CDK5RAP1: variants seen among roughly 807,000 people sequenced by gnomAD.
CDK5RAP1 encodes the protein mitochondrial tRNA methylthiotransferase CDK5RAP1.
CDK5RAP1 carries 62 observed loss-of-function variants against 64.5 expected under a neutral mutation model. The ratio of observed to expected loss-of-function variants is 0.96; its 90% CI spans 0.78 to 1.19. CDK5RAP1 has a LOEUF of 1.19. Ranked by LOEUF, CDK5RAP1 falls within the 50% of genes most tolerant of loss-of-function variation. The pLI, the probability that CDK5RAP1 is intolerant of heterozygous loss-of-function variation, is 0.00. For synonymous variants in CDK5RAP1, 250 were observed against 261.9 expected (o/e 0.95, Z 0.44); for missense variants, 657 against 735.0 (o/e 0.89, Z 1.23).
At chr20:33,388,562 C>T (rs1322676974) in intron 5 of CDK5RAP1, among the ~76,000 whole-genome samples, 2 of 113,938 alleles carry the variant, frequency 1.8e-5, no homozygotes, top group African/African-American at 6.7e-5. Flanking sequence ...CTCCCTCTCC[C>T]TCTCCCTCTC....
intron 7 of CDK5RAP1, among the ~76,000 whole-genome samples, chr20:33,382,682 T>C (rs1351677846): frequency 1.3e-5 from 2 of 150,374 alleles, no homozygotes; most frequent in African/African-American, 2.5e-5. Context: ...ATTCCGTCTC[T>C]AAATAAATAA....
intron 3 of CDK5RAP1, 46 bp downstream of exon 3, chr20:33,394,967 A>T: frequency 8.4e-7 from 1 of 1,197,486 alleles, no homozygotes. Context: ...CAAATGCAGA[A>T]TCTTGCCCAG....
At chr20:33,389,756 G>A (rs924643870) in intron 5 of CDK5RAP1, among the ~76,000 whole-genome samples, 16 of 152,186 alleles carry the variant, frequency 1.1e-4, no homozygotes, top group South Asian at 2.1e-4. Flanking sequence ...CGGTTTTGTT[G>A]AATAGAAAAG....
Position 33,390,063 on chromosome 20 carries a change from GC to G in CDK5RAP1, c.544+2078del, listed in dbSNP as rs1988125891. ...AGGCCAAGGAGGGTGGATCACTTGA[GC>G]CCAGGAGTTCAGGATCAGCCCTGGC... On this transcript the variant is annotated intron_variant, in intron 5 of 13. Transcript: ENST00000346416. Among the ~76,000 whole-genome samples, 4 of 151,700 alleles carry G rather than the reference GC, an allele frequency of 2.6e-5. No individual in the cohort carries two copies. The South Asian group carries it at 8.3e-4, about 32-fold the overall frequency.
At position 33,379,698 on chromosome 20, in the gene CDK5RAP1, A is replaced by G. The variant is rs1426422804; in HGVS notation, c.877-7T>C. On this transcript the variant is annotated splice_region_variant and splice_polypyrimidine_tract_variant and intron_variant, in intron 7 of 13. Coordinates refer to ENST00000346416, the MANE Select transcript of CDK5RAP1 (RefSeq NM_016408.4). ...GTGTCACTTCTTTCAGCCCCTAAAC[A>G]TGGGAAAATATATTGGAATTTTAAA... 2 of 1,585,854 alleles carry G rather than the reference A, an allele frequency of 1.3e-6. No homozygotes were observed. Among genetic ancestry groups the G allele is most frequent in the Non-Finnish European group, 1.7e-6 (2 of 1,158,178 alleles).
At position 33,391,515 on chromosome 20, in the gene CDK5RAP1, C is replaced by T. The variant is rs554796155; in HGVS notation, c.544+627G>A. Among the ~76,000 whole-genome samples, 3 of 152,108 alleles carry T rather than the reference C, an allele frequency of 2.0e-5. No individual in the cohort carries two copies. In the South Asian group the frequency reaches 6.2e-4, roughly 32 times the overall value. On this transcript the variant is annotated intron_variant, in intron 5 of 13. Coordinates refer to ENST00000346416, the MANE Select transcript of CDK5RAP1 (RefSeq NM_016408.4). ...GCTTCAGGAGTCAGAATGAAAGGTA[C>T]CCACATTAGAAATTTGTGCTGTCAG...
At chr20:33,394,512 C>T (rs1231445764) in intron 3 of CDK5RAP1, among the ~76,000 whole-genome samples, 1 of 149,170 alleles carries the variant, frequency 6.7e-6, no homozygotes, top group African/African-American at 2.5e-5. Flanking sequence ...AAAGGAGTCT[C>T]GCTCACTTGC....
chr20:33,380,611 G>A (rs1986627207), intron 7 of CDK5RAP1, among the ~76,000 whole-genome samples: 1 of 152,126 alleles, frequency 6.6e-6, no homozygotes, highest in Admixed American at 6.5e-5. Flanking sequence ...AAATGGTTCA[G>A]AAAAAATACA....
rs1475565413 is a variant in CDK5RAP1 at position 33,379,687 on chromosome 20, A to G, written c.881T>C (p.Leu294Pro). The stretch of plus-strand genomic sequence containing the variant: ...CTGACCAAGAAGTGTCACTTCTTTC[A>G]GCCCCTAAACATGGGAAAATATATT... ...EEVKKLSEQG[L>P]KEVTLLGQNV... The change falls in exon 8 of 14, where the codon CTG becomes CCG. Residue 294 changes from leucine (L) to proline (P), a missense_variant. Transcript: ENST00000346416. 9 of 1,611,408 alleles carry G rather than the reference A, an allele frequency of 5.6e-6. No homozygotes were observed. Among genetic ancestry groups the G allele is most frequent in the Non-Finnish European group, 7.6e-6 (9 of 1,177,672 alleles).
intron 5 of CDK5RAP1, among the ~76,000 whole-genome samples, chr20:33,391,307 C>T (rs538599331): frequency 1.3e-5 from 2 of 149,664 alleles, no homozygotes; most frequent in Non-Finnish European, 1.5e-5. Context: ...AAAATAATTG[C>T]GCTGTACAAA....
intron 12 of CDK5RAP1, among the ~76,000 whole-genome samples, chr20:33,364,129 A>T (rs1240208243): frequency 6.6e-6 from 1 of 151,784 alleles, no homozygotes; most frequent in Admixed American, 6.6e-5. Context: ...TTTGTTTATA[A>T]TTTTTTTAAA....
intron 7 of CDK5RAP1, among the ~76,000 whole-genome samples, chr20:33,384,125 A>G (rs1987122445): frequency 6.6e-6 from 1 of 152,216 alleles, no homozygotes; most frequent in Admixed American, 6.5e-5. Context: ...TAAAGGTACA[A>G]TATTCTATAC....
chr20:33,359,397 T>G, intron 13 of CDK5RAP1: 1 of 372,988 alleles, frequency 2.7e-6, no homozygotes, highest in Non-Finnish European at 4.9e-6. Context: ...AACCATAAAA[T>G]TCAGGTGAAA....
At chr20:33,384,998 T>G (rs1466899119) in intron 7 of CDK5RAP1, among the ~76,000 whole-genome samples, 3 of 152,156 alleles carry the variant, frequency 2.0e-5, no homozygotes, top group African/African-American at 7.2e-5. Flanking sequence ...GAGACACCAC[T>G]GTTAGGAAAA....
intron 7 of CDK5RAP1, among the ~76,000 whole-genome samples, chr20:33,380,897 G>A (rs1447126333): frequency 6.6e-6 from 1 of 152,140 alleles, no homozygotes; most frequent in Non-Finnish European, 1.5e-5. Flanking sequence ...CTACTAAGGA[G>A]GGTGAGGCAG....
intron 8 of CDK5RAP1, among the ~76,000 whole-genome samples, chr20:33,378,874 C>T (rs1986369020): frequency 1.3e-5 from 2 of 152,132 alleles, no homozygotes; most frequent in South Asian, 4.2e-4. Context: ...GTAACAAATC[C>T]TCTCTGTACA....
At position 33,370,584 on chromosome 20, in the gene CDK5RAP1, G is replaced by A. The variant is rs199766779; in HGVS notation, c.1307C>T (p.Thr436Met). The A allele has an allele frequency of 5.8e-4, 934 of 1,614,080 alleles. 1 individual carries two copies. Among genetic ancestry groups the A allele is most frequent in the Middle Eastern group, 9.9e-4 (6 of 6,062 alleles). Reference sequence around the variant, plus strand: ...GACTGTCTGGACGTGATCTTCCTCCGTCTCACCACAAAAGCCAGCAATGAA... The same window carrying A: ...GACTGTCTGGACGTGATCTTCCTCCATCTCACCACAAAAGCCAGCAATGAA... Reference protein sequence around the residue: ...SDFIAGFCGETEEDHVQTVSL... With the variant: ...SDFIAGFCGEMEEDHVQTVSL... Residue 436 changes from threonine to methionine, a missense_variant, in exon 11 of 14, where the codon ACG becomes ATG. Transcript: ENST00000346416.
chr20:33,385,818 G>C, intron 6 of CDK5RAP1, 48 bp from the exon 7 acceptor site: 1 of 1,570,352 alleles, frequency 6.4e-7, no homozygotes, highest in South Asian at 1.2e-5. Flanking sequence ...GGGTGTGCTG[G>C]TATGACCCAA....
intron 7 of CDK5RAP1, among the ~76,000 whole-genome samples, chr20:33,385,202 T>C (rs2146674659): frequency 1.3e-5 from 2 of 152,340 alleles, no homozygotes; most frequent in South Asian, 4.1e-4. Context: ...GGCTCAGTGA[T>C]AAAATGAACA....
Sources: allele counts gnomAD v4.1 joint callset (sites outside exome capture counted in the v4.1 genomes callset), GRCh38; gene constraint gnomAD v4.1.1; transcripts MANE v1.5; gene names NCBI Gene and HGNC (gene_info 2026-07-23, HGNC 2026-07-21).